Variants in PCDHGA3 observed in about 807,000 individuals in gnomAD.
PCDHGA3 encodes the protein protocadherin gamma-A3.
Under a neutral mutation model 58.5 loss-of-function variants are expected in PCDHGA3, and 40 were observed. The observed-to-expected ratio is 0.68, with a 90% confidence interval of 0.53 to 0.89. The LOEUF is 0.89. Ranked by LOEUF, PCDHGA3 falls within the 40% of genes least tolerant of loss-of-function variation. PCDHGA3 has a pLI of 0.00. For missense variants in PCDHGA3, 1,223 were observed against 1,195.9 expected, an observed-to-expected ratio of 1.02 and a Z score of -0.33; for synonymous variants, 530 against 525.7, an observed-to-expected ratio of 1.01 and a Z score of -0.11.
At position 141,369,932 on chromosome 5, in the gene PCDHGA3, G is replaced by C. The variant is rs571012686; in HGVS notation, c.2424+23475G>C. On this transcript the variant is annotated intron_variant, in intron 1 of 3. Transcript: ENST00000253812. ...AAAATGGAAACTAAAAACGTGACGG[G>C]ATTGAGCAAGATTATCTCTGCCCTT... Among the ~76,000 whole-genome samples the C allele has an allele frequency of 4.6e-5, 7 of 152,304 alleles. No homozygotes were observed. In the South Asian group the frequency reaches 1.5e-3, roughly 32 times the overall value.
intron 1 of PCDHGA3, among the ~76,000 whole-genome samples, chr5:141,382,367 C>T (rs778668401): frequency 8.6e-5 from 13 of 151,894 alleles, no homozygotes; most frequent in African/African-American, 3.1e-4. Flanking sequence ...TAAAATTTAC[C>T]TTTTTGCCTT....
chr5:141,394,996 C>T (rs1331251272), intron 1 of PCDHGA3: 1 of 1,613,916 alleles, frequency 6.2e-7, no homozygotes, highest in African/African-American at 1.3e-5. Flanking sequence ...CTCCAGGATT[C>T]CGGTGGCAGA....
intron 1 of PCDHGA3, 79 bp downstream of exon 1, chr5:141,346,536 T>G (rs1216501111): frequency 6.4e-7 from 1 of 1,563,894 alleles, no homozygotes; most frequent in Admixed American, 1.9e-5. Flanking sequence ...CATATGTATT[T>G]GAGAAATAAA....
At position 141,476,402 on chromosome 5, in the gene PCDHGA3, G is replaced by A. The variant is rs775511298; in HGVS notation, c.2425-18405G>A. The stretch of plus-strand genomic sequence containing the variant: ...TGTGAACGACCGTCTGGATCGAGAG[G>A]AGCTGTGTGGGACACTGCCCTCTTG... On this transcript the variant is annotated intron_variant, in intron 1 of 3. Coordinates refer to ENST00000253812, the MANE Select transcript of PCDHGA3 (RefSeq NM_018916.4). This position sits in a 1 kb window ranked among gnomAD's most constrained non-coding sequence, Gnocchi z 7.6. 9 of 1,613,992 alleles carry A rather than the reference G, an allele frequency of 5.6e-6. No individual in the cohort carries two copies. Among genetic ancestry groups the A allele is most frequent in the African/African-American group, 1.3e-5 (1 of 74,904 alleles).
Position 141,489,463 on chromosome 5 carries a change from T to C in PCDHGA3, c.2425-5344T>C. ...GGGCTCTGAGGAGAATGGGCGCTAT[T>C]TTTCCCTGAGCTTGATGAGTGGTGC... On this transcript the variant is annotated intron_variant, in intron 1 of 3. Transcript: ENST00000253812. This position sits in a 1 kb window ranked among gnomAD's most constrained non-coding sequence, Gnocchi z 4.5. 6.2e-7 allele frequency: 1 copy of C among 1,614,050 alleles called. No individual in the cohort carries two copies. The highest frequency in any genetic ancestry group is 8.5e-7 in the Non-Finnish European group (1 of 1,180,002).
intron 1 of PCDHGA3, chr5:141,356,863 C>T: frequency 6.2e-7 from 1 of 1,614,220 alleles, no homozygotes; most frequent in Non-Finnish European, 8.5e-7. Context: ...TGTGCTGGAC[C>T]AGAACGACAA....
chr5:141,385,314 A>T, intron 1 of PCDHGA3: 1 of 1,611,588 alleles, frequency 6.2e-7, no homozygotes. Context: ...AAAACCTGCC[A>T]AGTATTCAGG....
chr5:141,364,350 G>C (rs1275891142), intron 1 of PCDHGA3: 2 of 1,550,364 alleles, frequency 1.3e-6, no homozygotes, highest in South Asian at 2.5e-5. Flanking sequence ...CCACCTAGGG[G>C]CTGGGGCTGC....
chr5:141,360,853 C>T (rs1463247472), intron 1 of PCDHGA3: 9 of 1,613,874 alleles, frequency 5.6e-6, no homozygotes, highest in African/African-American at 1.3e-5. Flanking sequence ...CGATAACCCT[C>T]CAGTGTTCAG....
intron 1 of PCDHGA3, chr5:141,423,607 A>T (rs777606404): frequency 6.2e-7 from 1 of 1,612,176 alleles, no homozygotes; most frequent in Admixed American, 1.7e-5. Flanking sequence ...GCCACTCTTG[A>T]TAGCTGAAGA....
rs780685517 is a variant in PCDHGA3 at position 141,489,548 on chromosome 5, T to C, written c.2425-5259T>C. 6.2e-7 allele frequency: 1 copy of C among 1,614,136 alleles called. No individual in the cohort carries two copies. Among genetic ancestry groups the C allele is most frequent in the South Asian group, 1.1e-5 (1 of 91,086 alleles). On this transcript the variant is annotated intron_variant, in intron 1 of 3. Coordinates refer to ENST00000253812, the MANE Select transcript of PCDHGA3 (RefSeq NM_018916.4). This position sits in a 1 kb window ranked among gnomAD's most constrained non-coding sequence, Gnocchi z 4.5. ...CTATGTGGAGCCAGCACCAGCTGCCTGCTGCCAGTGCAGGTGGTGACTGAA... is the reference window on the plus strand; with the variant it reads ...CTATGTGGAGCCAGCACCAGCTGCCCGCTGCCAGTGCAGGTGGTGACTGAA...
chr5:141,418,007 C>G (rs1561770675), intron 1 of PCDHGA3: 1 of 1,613,904 alleles, frequency 6.2e-7, no homozygotes, highest in Non-Finnish European at 8.5e-7. Flanking sequence ...GGTGGGGAAC[C>G]TCGCTAAGGA....
intron 1 of PCDHGA3, among the ~76,000 whole-genome samples, chr5:141,369,925 G>A (rs376465013): frequency 3.9e-5 from 6 of 152,186 alleles, no homozygotes; most frequent in Non-Finnish European, 4.4e-5. Flanking sequence ...AACTAAAAAC[G>A]TGACGGGATT....
chr5:141,459,090 A>G (rs769066156), intron 1 of PCDHGA3, among the ~76,000 whole-genome samples: 4 of 152,218 alleles, frequency 2.6e-5, no homozygotes, highest in Non-Finnish European at 4.4e-5. Flanking sequence ...TTAAAATTAT[A>G]CAGTGCAATG....
intron 1 of PCDHGA3, chr5:141,364,208 T>G: frequency 8.4e-7 from 1 of 1,193,066 alleles, no homozygotes; most frequent in Non-Finnish European, 1.1e-6. Context: ...CCAGACAAGC[T>G]CCTACGAAAA....
rs771858105 is a variant in PCDHGA3 at position 141,428,074 on chromosome 5, G to A, written c.2425-66733G>A. 4.4e-6 allele frequency: 7 copies of A among 1,609,112 alleles called. No homozygotes were observed. The African/African-American group carries it at 5.3e-5, about 12-fold the overall frequency. On this transcript the variant is annotated intron_variant, in intron 1 of 3. Transcript: ENST00000253812. The stretch of plus-strand genomic sequence containing the variant: ...GTGGTGGCGGTGGACGCAGATTCGG[G>A]ACACAACGCTTGGCTGTCCTACCAC...
At chr5:141,482,790 G>A (rs2099572686) in intron 1 of PCDHGA3, among the ~76,000 whole-genome samples, 1 of 128,870 alleles carries the variant, frequency 7.8e-6, no homozygotes, top group African/African-American at 3.5e-5. Context: ...CTGTGTGTGT[G>A]GCCGGGTACG....
chr5:141,409,177 T>A (rs1272833119), intron 1 of PCDHGA3: 1 of 1,613,944 alleles, frequency 6.2e-7, no homozygotes, highest in Non-Finnish European at 8.5e-7. Context: ...AGGACGGAGG[T>A]GGTCTCTCTA....
At chr5:141,451,224 C>G (rs2098710956) in intron 1 of PCDHGA3, among the ~76,000 whole-genome samples, 1 of 152,170 alleles carries the variant, frequency 6.6e-6, no homozygotes, top group South Asian at 2.1e-4. Flanking sequence ...TTAAAAGAAG[C>G]ATTTATTATC....
Sources: gnomAD v4.1 joint callset for allele counts (sites outside exome capture counted in the v4.1 genomes callset) on GRCh38, gnomAD v4.1.1 for gene constraint, Gnocchi (gnomAD v3.1) non-coding constraint, MANE v1.5 for transcripts, NCBI Gene and HGNC (gene_info 2026-07-23, HGNC 2026-07-21) for gene names.